The following GMDS variants were observed in gnomAD, a reference collection of about 807,000 sequenced individuals.
GMDS encodes the protein GDP-mannose 4,6 dehydratase.
In GMDS, 20 loss-of-function variants were observed where a neutral mutation model predicts 49.9. That is an observed-to-expected ratio of 0.40 (90% CI 0.28 to 0.58). The LOEUF (loss-of-function observed/expected upper bound fraction) is 0.58, where lower values mean the gene tolerates loss of function less well. Ranked by LOEUF, GMDS falls within the 20% of genes least tolerant of loss-of-function variation. The pLI is 0.42. For synonymous variants in GMDS, 177 were observed against 178.6 expected, an observed-to-expected ratio of 0.99 and a Z score of 0.07; for missense variants, 362 against 481.4, an observed-to-expected ratio of 0.75 and a Z score of 2.32.
chr6:1,916,534 G>A lies in GMDS; in HGVS notation c.771+13569C>T, dbSNP rs374033504. On this transcript the variant is annotated intron_variant, in intron 7 of 10. Coordinates refer to ENST00000380815, the MANE Select transcript of GMDS (RefSeq NM_001500.4). ...GGGATGAACAGAGGGAAAGGAGAGT[G>A]AAAGAAAGAGAGAGAGACGAAAAAG... is the stretch of plus-strand genomic sequence containing the variant. Among the ~76,000 whole-genome samples, 5 of 152,030 alleles carry A rather than the reference G, an allele frequency of 3.3e-5. No homozygotes were observed. The South Asian group carries it at 1.0e-3, about 32-fold the overall frequency.
At chr6:2,202,135 A>G (rs1779570704) in intron 1 of GMDS, among the ~76,000 whole-genome samples, 1 of 143,866 alleles carries the variant, frequency 7.0e-6, no homozygotes, top group Non-Finnish European at 1.5e-5. Context: ...TGAGGGCAGC[A>G]TGTTAGCAGA....
At chr6:2,178,223 G>A (rs1049786429) in intron 1 of GMDS, among the ~76,000 whole-genome samples, 6 of 152,162 alleles carry the variant, frequency 3.9e-5, no homozygotes, top group Non-Finnish European at 5.9e-5. Flanking sequence ...AGAAATACCT[G>A]AGGCTAGGTA....
chr6:1,649,149 C>T lies in GMDS; in HGVS notation c.988-24609G>A, dbSNP rs115751418. ...TAGGGTTCATGGGGCAGGAATGACA[C>T]GTTAACCCTGTCTAGCCACTGGGGG... On this transcript the variant is annotated intron_variant, in intron 9 of 10. Transcript: ENST00000380815. 3.8e-3 allele frequency among the ~76,000 whole-genome samples: 585 copies of T among 152,300 alleles called. 4 individuals carry two copies. Among genetic ancestry groups the T allele is most frequent in the African/African-American group, 0.013 (559 of 41,552 alleles).
chr6:1,984,436 G>A (rs1765419472), intron 4 of GMDS, among the ~76,000 whole-genome samples: 1 of 150,370 alleles, frequency 6.7e-6, no homozygotes. Context: ...TAGCCAGTGA[G>A]TAATCTAATG....
chr6:2,027,851 G>A (rs1327317948), intron 4 of GMDS, among the ~76,000 whole-genome samples: 2 of 152,040 alleles, frequency 1.3e-5, no homozygotes, highest in African/African-American at 4.8e-5. Flanking sequence ...GAAGAAAATG[G>A]AGGTTTTGTC....
intron 4 of GMDS, among the ~76,000 whole-genome samples, chr6:2,109,055 G>C (rs1774400139): frequency 6.6e-6 from 1 of 152,218 alleles, no homozygotes. Flanking sequence ...CAGCAGCTAA[G>C]GCAAATGACA....
chr6:1,745,512 C>G (rs894000126), intron 7 of GMDS, among the ~76,000 whole-genome samples: 4 of 152,136 alleles, frequency 2.6e-5, no homozygotes, highest in Non-Finnish European at 5.9e-5. Context: ...ACTGGTGGGT[C>G]ACTTTAAACA....
chr6:1,774,374 G>C lies in GMDS; in HGVS notation c.772-31788C>G, dbSNP rs543961713. 1.3e-3 allele frequency among the ~76,000 whole-genome samples: 198 copies of C among 152,344 alleles called. 2 individuals are homozygous for C. The South Asian group carries it at 0.022, about 17-fold the overall frequency. The stretch of plus-strand genomic sequence containing the variant: ...ATCTGTGGAGGACACTCAGAGCAAT[G>C]AGTTGATATGAGATATGGAGTATAT... On this transcript the variant is annotated intron_variant, in intron 7 of 10. Coordinates refer to ENST00000380815, the MANE Select transcript of GMDS (RefSeq NM_001500.4).
chr6:2,009,407 A>G (rs1301557962), intron 4 of GMDS, among the ~76,000 whole-genome samples: 1 of 152,222 alleles, frequency 6.6e-6, no homozygotes, highest in African/African-American at 2.4e-5. Flanking sequence ...GGCCAGATTC[A>G]GGAACCAATG....
At chr6:1,999,934 TTATA>T (rs1472941828) in intron 4 of GMDS, among the ~76,000 whole-genome samples, 1 of 77,638 alleles carries the variant, frequency 1.3e-5, no homozygotes, top group African/African-American at 4.6e-5. Flanking sequence ...TTATATATTA[TTATA>T]TATAATATAT....
Position 2,230,950 on chromosome 6 carries a change from C to G in GMDS, c.102+14371G>C, listed in dbSNP as rs1414472558. Among the ~76,000 whole-genome samples, 60 of 99,440 alleles carry G rather than the reference C, an allele frequency of 6.0e-4. 4 individuals are homozygous for G. The highest frequency in any genetic ancestry group is 2.1e-3 in the African/African-American group (55 of 25,660). The allele number at this position is 99,440 out of a possible 152,430, so 65.2% of individuals were successfully genotyped here. A position where few individuals can be genotyped will look rare whatever the true frequency, so the allele number is the denominator to read the frequency against. ...TCTCTTCCCCCCTCCCACCCCCCCCCCCCGTTCCTTCCCCTAATACCCAGG... is the reference window on the plus strand; with the variant it reads ...TCTCTTCCCCCCTCCCACCCCCCCCGCCCGTTCCTTCCCCTAATACCCAGG... On this transcript the variant is annotated intron_variant, in intron 1 of 10. Coordinates refer to ENST00000380815, the MANE Select transcript of GMDS (RefSeq NM_001500.4).
intron 9 of GMDS, 25 bp downstream of exon 9, chr6:1,726,391 C>T (rs766175296): frequency 5.3e-6 from 8 of 1,511,202 alleles, no homozygotes; most frequent in Middle Eastern, 1.7e-4. Flanking sequence ...TGTGGCCACG[C>T]ACTGGGTGGC....
intron 1 of GMDS, among the ~76,000 whole-genome samples, chr6:2,200,099 A>G (rs1779442080): frequency 6.6e-6 from 1 of 152,202 alleles, no homozygotes; most frequent in Admixed American, 6.5e-5. Context: ...TTGCACATCC[A>G]CTGTGTCAGA....
intron 1 of GMDS, among the ~76,000 whole-genome samples, chr6:2,174,584 T>C (rs919194175): frequency 6.6e-6 from 1 of 152,044 alleles, no homozygotes; most frequent in Non-Finnish European, 1.5e-5. Context: ...GTTTTTTAAA[T>C]TGAGACGGAG....
intron 4 of GMDS, among the ~76,000 whole-genome samples, chr6:2,046,351 A>G (rs180952675): frequency 6.6e-6 from 1 of 152,368 alleles, no homozygotes; most frequent in Non-Finnish European, 1.5e-5. Context: ...CTCATATGAA[A>G]TAACTAGATT....
At chr6:2,147,514 A>G (rs561724336) in intron 1 of GMDS, among the ~76,000 whole-genome samples, 8 of 152,264 alleles carry the variant, frequency 5.3e-5, no homozygotes, top group Admixed American at 2.0e-4. Flanking sequence ...AGACCTAGAC[A>G]TCGGACTCCT....
intron 4 of GMDS, among the ~76,000 whole-genome samples, chr6:2,055,045 TCATA>T (rs1414834787): frequency 2.0e-5 from 3 of 152,048 alleles, no homozygotes; most frequent in Non-Finnish European, 4.4e-5. Flanking sequence ...CTAAACAACA[TCATA>T]CGGATATAAA....
At chr6:1,737,741 TACACATACAC>T (rs1327889757) in intron 8 of GMDS, among the ~76,000 whole-genome samples, 1 of 78,200 alleles carries the variant, frequency 1.3e-5, no homozygotes, top group African/African-American at 5.1e-5. Flanking sequence ...CACACACACA[TACACATACAC>T]ATACACACAC....
chr6:1,888,975 A>G (rs1358570191), intron 7 of GMDS, among the ~76,000 whole-genome samples: 1 of 152,184 alleles, frequency 6.6e-6, no homozygotes, highest in African/African-American at 2.4e-5. Context: ...GTGGGCCCCC[A>G]TGGCCTTGGG....
Sources: allele counts gnomAD v4.1 joint callset (sites outside exome capture counted in the v4.1 genomes callset), GRCh38; gene constraint gnomAD v4.1.1; transcripts MANE v1.5; gene names NCBI Gene and HGNC (gene_info 2026-07-23, HGNC 2026-07-21).